Variants in ABI2 observed in about 807,000 individuals in gnomAD.
ABI2 encodes the protein abl interactor 2.
A neutral mutation model predicts 59.2 loss-of-function variants in ABI2; 25 were observed. The observed-to-expected ratio is 0.42, with a 90% confidence interval of 0.31 to 0.59. The LOEUF (loss-of-function observed/expected upper bound fraction) is 0.59, where lower values mean the gene tolerates loss of function less well. Among genes scored for constraint, ABI2 ranks in the 20% least tolerant of loss-of-function variants. ABI2 has a pLI of 0.14. For missense variants in ABI2, 545 were observed against 681.8 expected, an observed-to-expected ratio of 0.80 and a Z score of 2.23; for synonymous variants, 213 against 235.5, an observed-to-expected ratio of 0.90 and a Z score of 0.87.
Position 203,394,829 on chromosome 2 carries a change from A to G in ABI2, c.708A>G (p.Gln236=). 6.2e-7 allele frequency: 1 copy of G among 1,614,170 alleles called. No homozygotes were observed. The highest frequency in any genetic ancestry group is 8.5e-7 in the Non-Finnish European group (1 of 1,180,020). ...QSPVRTASVN[Q]RNRTYSSSGS... is the part of the protein sequence containing the mutation. The stretch of plus-strand genomic sequence containing the variant: ...CTGTGAGGACAGCTTCTGTGAATCA[A>G]AGAAATCGAACTTACAGGTATTTTC... Residue 236 remains glutamine (Q), a synonymous_variant, in exon 6 of 12, where the codon CAA becomes CAG. Transcript: ENST00000261018.
intron 11 of ABI2, among the ~76,000 whole-genome samples, chr2:203,423,526 C>T (rs997137675): frequency 6.6e-6 from 1 of 152,272 alleles, no homozygotes; most frequent in Non-Finnish European, 1.5e-5. Context: ...CCCAGGTTCA[C>T]GCCATTCTCC....
chr2:203,380,751 CTT>C (rs748568159), intron 3 of ABI2, among the ~76,000 whole-genome samples: 5 of 152,174 alleles, frequency 3.3e-5, no homozygotes, highest in African/African-American at 4.8e-5. Flanking sequence ...TATCAGCAGA[CTT>C]TTGGCATTAG....
At chr2:203,378,562 G>T (rs1375433282) in intron 2 of ABI2, among the ~76,000 whole-genome samples, 2 of 152,180 alleles carry the variant, frequency 1.3e-5, no homozygotes, top group African/African-American at 4.8e-5. Context: ...AAGAGGCTTT[G>T]AATTTGTTTC....
At chr2:203,329,429 A>G (rs935949774) in intron 1 of ABI2, among the ~76,000 whole-genome samples, 1 of 134,062 alleles carries the variant, frequency 7.5e-6, no homozygotes, top group Non-Finnish European at 1.5e-5. Context: ...GAGGCGGGGG[A>G]TACCGGATGG....
intron 5 of ABI2, among the ~76,000 whole-genome samples, chr2:203,392,950 A>G (rs372804456): frequency 1.2e-4 from 17 of 143,200 alleles, no homozygotes; most frequent in Admixed American, 2.2e-4. Context: ...TAGTCACCAC[A>G]TTTTGTTCCT....
At chr2:203,355,126 AT>A in intron 1 of ABI2, 1 of 359,102 alleles carries the variant, frequency 2.8e-6, no homozygotes, top group African/African-American at 2.1e-5. Flanking sequence ...TGTAGATCCT[AT>A]TTTCTGGATC....
chr2:203,378,298 A>T (rs1210562292), intron 2 of ABI2, among the ~76,000 whole-genome samples: 1 of 151,940 alleles, frequency 6.6e-6, no homozygotes, highest in Non-Finnish European at 1.5e-5. Context: ...TTTTTAGTAG[A>T]GACGGGGTTT....
At chr2:203,363,624 G>C (rs1288286480) in intron 1 of ABI2, among the ~76,000 whole-genome samples, 1 of 152,100 alleles carries the variant, frequency 6.6e-6, no homozygotes, top group African/African-American at 2.4e-5. Flanking sequence ...AAATAAGTGA[G>C]AACATGCGAT....
chr2:203,332,280 A>G (rs943081744), intron 1 of ABI2, among the ~76,000 whole-genome samples: 1 of 152,152 alleles, frequency 6.6e-6, no homozygotes, highest in African/African-American at 2.4e-5. Flanking sequence ...AGTAGTTGGT[A>G]GAGACTTTTT....
chr2:203,405,017 T>C (rs923112194), intron 9 of ABI2, among the ~76,000 whole-genome samples: 6 of 152,252 alleles, frequency 3.9e-5, no homozygotes, highest in African/African-American at 1.4e-4. Flanking sequence ...TTTCAAATGC[T>C]TGAAAGTATA....
chr2:203,336,691 A>G (rs1358981099), intron 1 of ABI2, among the ~76,000 whole-genome samples: 1 of 152,136 alleles, frequency 6.6e-6, no homozygotes, highest in Non-Finnish European at 1.5e-5. Flanking sequence ...TGCTTTACAC[A>G]AGGGCTGTAT....
At chr2:203,412,031 A>C (rs1277169334) in intron 10 of ABI2, among the ~76,000 whole-genome samples, 1 of 152,212 alleles carries the variant, frequency 6.6e-6, no homozygotes, top group Non-Finnish European at 1.5e-5. Flanking sequence ...AGTCTTTGCG[A>C]GGGCCACATC....
chr2:203,402,085 A>T (rs2097248486), intron 8 of ABI2, among the ~76,000 whole-genome samples: 1 of 152,156 alleles, frequency 6.6e-6, no homozygotes, highest in Non-Finnish European at 1.5e-5. Context: ...CCCAGGCTGG[A>T]GTGCAGTGGT....
chr2:203,396,513 G>A (rs2096993098), intron 7 of ABI2, among the ~76,000 whole-genome samples: 1 of 151,996 alleles, frequency 6.6e-6, no homozygotes, highest in Admixed American at 6.6e-5. Context: ...CAATACGAAG[G>A]GAACACTTTT....
chr2:203,390,805 G>A (rs1377057924), intron 4 of ABI2, among the ~76,000 whole-genome samples: 1 of 152,096 alleles, frequency 6.6e-6, no homozygotes, highest in Non-Finnish European at 1.5e-5. Context: ...TGGCCTAATG[G>A]CAAATAAAGT....
intron 9 of ABI2, among the ~76,000 whole-genome samples, chr2:203,406,955 G>T (rs1045979329): frequency 1.3e-5 from 2 of 152,062 alleles, no homozygotes; most frequent in African/African-American, 4.8e-5. Context: ...TTTTCTCCAC[G>T]GCAAACCTTT....
At chr2:203,361,599 CAG>C (rs989414985) in intron 1 of ABI2, among the ~76,000 whole-genome samples, 12 of 151,984 alleles carry the variant, frequency 7.9e-5, no homozygotes, top group African/African-American at 2.9e-4. Context: ...CTAAGGAAAA[CAG>C]AATGAAAACT....
intron 8 of ABI2, among the ~76,000 whole-genome samples, chr2:203,397,392 T>C (rs545336157): frequency 2.6e-5 from 4 of 152,332 alleles, no homozygotes; most frequent in Non-Finnish European, 5.9e-5. Context: ...AGTCTATTTT[T>C]AACAGAATCT....
chr2:203,337,431 CAAG>C (rs1303982493), intron 1 of ABI2, among the ~76,000 whole-genome samples: 1 of 152,076 alleles, frequency 6.6e-6, no homozygotes, highest in Admixed American at 6.6e-5. Flanking sequence ...TAAATGTAAT[CAAG>C]GAGGTGAAAG....
Sources: allele counts gnomAD v4.1 joint callset (sites outside exome capture counted in the v4.1 genomes callset), GRCh38; gene constraint gnomAD v4.1.1; transcripts MANE v1.5; gene names NCBI Gene and HGNC (gene_info 2026-07-23, HGNC 2026-07-21).